Variants in ACVR1 observed in about 807,000 individuals in gnomAD.
ACVR1 encodes activin receptor type-1.
ACVR1 carries 38 observed loss-of-function variants against 57.1 expected under a neutral mutation model. The ratio of observed to expected loss-of-function variants is 0.67; its 90% CI spans 0.51 to 0.87. The LOEUF (loss-of-function observed/expected upper bound fraction) is 0.87, where lower values mean the gene tolerates loss of function less well. Ranked by LOEUF, ACVR1 falls within the 40% of genes least tolerant of loss-of-function variation. The pLI, the probability that ACVR1 is intolerant of heterozygous loss-of-function variation, is 0.00. For missense variants in ACVR1, 463 were observed against 638.2 expected (o/e 0.73, Z 2.96); for synonymous variants, 212 against 228.1 (o/e 0.93, Z 0.63).
chr2:157,844,655 C>G (rs188865572), intron 1 of ACVR1, among the ~76,000 whole-genome samples: 1 of 152,146 alleles, frequency 6.6e-6, no homozygotes, highest in Non-Finnish European at 1.5e-5. Context: ...CACCACAGAG[C>G]TAGGACCCTG....
At chr2:157,761,980 C>A (rs1284450091) in intron 8 of ACVR1, among the ~76,000 whole-genome samples, 2 of 152,204 alleles carry the variant, frequency 1.3e-5, no homozygotes, top group Non-Finnish European at 2.9e-5. Context: ...TTCCACTCCA[C>A]GGCTTTGAAT....
intron 9 of ACVR1, among the ~76,000 whole-genome samples, chr2:157,739,474 C>T (rs1440033792): frequency 2.0e-5 from 3 of 152,206 alleles, no homozygotes; most frequent in Non-Finnish European, 4.4e-5. Context: ...GATTCTTCCC[C>T]TTCATAGAAA....
chr2:157,817,861 C>T (rs78549678), intron 2 of ACVR1, among the ~76,000 whole-genome samples: 7,365 of 151,826 alleles, frequency 0.049, 652 homozygotes, highest in African/African-American at 0.17. Flanking sequence ...AATTAGCTGG[C>T]TGTGGCGGCA....
chr2:157,861,462 C>T (rs1445408186), intron 1 of ACVR1, among the ~76,000 whole-genome samples: 1 of 152,132 alleles, frequency 6.6e-6, no homozygotes, highest in Non-Finnish European at 1.5e-5. Flanking sequence ...GCCATCATTG[C>T]ATACAGTCCT....
chr2:157,796,504 A>C (rs1419728463), intron 3 of ACVR1, among the ~76,000 whole-genome samples: 6 of 152,134 alleles, frequency 3.9e-5, no homozygotes. Flanking sequence ...CAGTGAGCTG[A>C]TATCACACCA....
At chr2:157,741,236 T>A (rs1221599628) in intron 9 of ACVR1, among the ~76,000 whole-genome samples, 1 of 152,166 alleles carries the variant, frequency 6.6e-6, no homozygotes, top group Admixed American at 6.5e-5. Context: ...AAGGCAAAAC[T>A]ATATTAGAAA....
intron 1 of ACVR1, among the ~76,000 whole-genome samples, chr2:157,835,753 C>G (rs1457148391): frequency 6.6e-6 from 1 of 152,192 alleles, no homozygotes; most frequent in Non-Finnish European, 1.5e-5. Flanking sequence ...TGGTTGAAAA[C>G]AAGGATCTGT....
chr2:157,804,364 C>G (rs1687442505), intron 2 of ACVR1, among the ~76,000 whole-genome samples: 1 of 152,114 alleles, frequency 6.6e-6, no homozygotes, highest in Non-Finnish European at 1.5e-5. Flanking sequence ...AGGAAGAAAG[C>G]TTTAATTTTT....
rs1014796401 is a variant in ACVR1 at position 157,850,869 on chromosome 2, A to AT, written c.-183+24926dup. Among the ~76,000 whole-genome samples the AT allele has an allele frequency of 2.0e-4, 30 of 152,242 alleles. 1 individual carries two copies. The highest frequency in any genetic ancestry group is 7.2e-4 in the African/African-American group (30 of 41,564). On this transcript the variant is annotated intron_variant, in intron 1 of 10. Transcript: ENST00000434821. ...CTACGCAGGAGGCTGAAACAGGAGAATTGCTTGAACCTGGGAGGCGGAGGT... is the reference window on the plus strand; with the variant it reads ...CTACGCAGGAGGCTGAAACAGGAGAATTTGCTTGAACCTGGGAGGCGGAGGT...
At position 157,873,285 on chromosome 2, in the gene ACVR1, T is replaced by C. The variant is rs567785694; in HGVS notation, c.-183+2511A>G. ...ACCACTGAAATTTGCCAAGCCTCAA[T>C]TTCTTATTGTAGGACGGTAAAATAA... On this transcript the variant is annotated intron_variant, in intron 1 of 10. Transcript: ENST00000434821. Among the ~76,000 whole-genome samples the C allele has an allele frequency of 6.2e-4, 94 of 152,304 alleles. 1 individual carries two copies. Among genetic ancestry groups the C allele is most frequent in the Non-Finnish European group, 1.2e-3 (85 of 68,020 alleles).
At chr2:157,775,511 A>C (rs960884810) in intron 5 of ACVR1, among the ~76,000 whole-genome samples, 12 of 152,208 alleles carry the variant, frequency 7.9e-5, no homozygotes, top group African/African-American at 2.4e-4. Context: ...TGTGAATTTC[A>C]TCTTCTTTCA....
chr2:157,847,246 C>T (rs1429201288), intron 1 of ACVR1, among the ~76,000 whole-genome samples: 6 of 152,178 alleles, frequency 3.9e-5, no homozygotes, highest in Non-Finnish European at 7.4e-5. Context: ...TTCAAAACTT[C>T]AATTTCCTTT....
chr2:157,858,492 G>T (rs1402858697), intron 1 of ACVR1, among the ~76,000 whole-genome samples: 2 of 151,898 alleles, frequency 1.3e-5, no homozygotes, highest in African/African-American at 4.8e-5. Flanking sequence ...TATTTTTTGA[G>T]ACACAGTCTT....
intron 2 of ACVR1, among the ~76,000 whole-genome samples, chr2:157,810,183 T>C (rs747068008): frequency 6.6e-6 from 1 of 152,212 alleles, no homozygotes; most frequent in African/African-American, 2.4e-5. Flanking sequence ...CTTCAAACAC[T>C]GTGATTATGA....
intron 2 of ACVR1, among the ~76,000 whole-genome samples, chr2:157,801,304 T>G (rs981860860): frequency 6.6e-6 from 1 of 152,206 alleles, no homozygotes; most frequent in Non-Finnish European, 1.5e-5. Context: ...TACTTGTAGT[T>G]CTGAAGGTCC....
intron 1 of ACVR1, among the ~76,000 whole-genome samples, chr2:157,855,963 T>G (rs577227088): frequency 6.6e-6 from 1 of 152,014 alleles, no homozygotes; most frequent in Non-Finnish European, 1.5e-5. Flanking sequence ...CATCATGAAA[T>G]AGTAGCTTGA....
intron 9 of ACVR1, among the ~76,000 whole-genome samples, chr2:157,745,551 C>T (rs1684934593): frequency 6.6e-6 from 1 of 152,140 alleles, no homozygotes; most frequent in South Asian, 2.1e-4. Context: ...GACTACTCTC[C>T]TCTGTTCTGG....
At chr2:157,836,651 T>C (rs560281328) in intron 1 of ACVR1, among the ~76,000 whole-genome samples, 1 of 152,260 alleles carries the variant, frequency 6.6e-6, no homozygotes, top group South Asian at 2.1e-4. Flanking sequence ...CAGGAAATCA[T>C]CACCACCTTC....
intron 1 of ACVR1, chr2:157,838,299 G>A (rs978582247): frequency 2.0e-5 from 3 of 152,052 alleles, no homozygotes; most frequent in Non-Finnish European, 4.4e-5. Context: ...GGTACTTCCC[G>A]CTGCATTGCT....
Sources: allele counts gnomAD v4.1 joint callset (sites outside exome capture counted in the v4.1 genomes callset), GRCh38; gene constraint gnomAD v4.1.1; transcripts MANE v1.5; gene names NCBI Gene and HGNC (gene_info 2026-07-23, HGNC 2026-07-21).